Variants in PDE11A observed in about 807,000 individuals in gnomAD.
PDE11A encodes dual 3',5'-cyclic-AMP and -GMP phosphodiesterase 11A.
A neutral mutation model predicts 100.5 loss-of-function variants in PDE11A; 100 were observed. The ratio of observed to expected loss-of-function variants is 1.00; its 90% CI spans 0.85 to 1.18. The LOEUF (loss-of-function observed/expected upper bound fraction) is 1.18. Ranked by LOEUF, PDE11A falls within the 50% of genes most tolerant of loss-of-function variation. PDE11A has a pLI of 0.00. For missense variants in PDE11A, 1,141 were observed against 1,152.6 expected (o/e 0.99, Z 0.15); for synonymous variants, 381 against 420.8 (o/e 0.91, Z 1.16).
At chr2:177,805,890 T>G (rs1279681066) in intron 9 of PDE11A, among the ~76,000 whole-genome samples, 1 of 151,752 alleles carries the variant, frequency 6.6e-6, no homozygotes, top group Admixed American at 6.6e-5. Flanking sequence ...TGTCAAAGAG[T>G]GAATGTGAGA....
intron 19 of PDE11A, among the ~76,000 whole-genome samples, chr2:177,646,476 T>C (rs2080225861): frequency 6.6e-6 from 1 of 152,354 alleles, no homozygotes; most frequent in East Asian, 1.9e-4. Flanking sequence ...TGGCTCTGTT[T>C]TGGCAGATAT....
At chr2:177,700,032 C>G (rs2081173763) in intron 14 of PDE11A, among the ~76,000 whole-genome samples, 1 of 152,164 alleles carries the variant, frequency 6.6e-6, no homozygotes, top group Non-Finnish European at 1.5e-5. Flanking sequence ...TTCCATAGTT[C>G]TCAGCTAAGA....
At chr2:178,039,596 T>C (rs563187827) in intron 1 of PDE11A, among the ~76,000 whole-genome samples, 1 of 152,018 alleles carries the variant, frequency 6.6e-6, no homozygotes, top group South Asian at 2.1e-4. Flanking sequence ...GCAAATATGA[T>C]GCCAAGATTC....
At chr2:177,985,802 T>C (rs2085932444) in intron 2 of PDE11A, among the ~76,000 whole-genome samples, 1 of 151,998 alleles carries the variant, frequency 6.6e-6, no homozygotes, top group Admixed American at 6.6e-5. Flanking sequence ...ATTGCAAGAG[T>C]TTTATAAATT....
chr2:178,066,564 T>C (rs2087046964), intron 1 of PDE11A, among the ~76,000 whole-genome samples: 1 of 152,060 alleles, frequency 6.6e-6, no homozygotes, highest in Admixed American at 6.6e-5. Context: ...CACCCATCCT[T>C]CCCAGTCTCA....
At chr2:177,793,277 T>C (rs967581680) in intron 9 of PDE11A, among the ~76,000 whole-genome samples, 1 of 152,204 alleles carries the variant, frequency 6.6e-6, no homozygotes, top group Admixed American at 6.5e-5. Flanking sequence ...AAGGCCCTAA[T>C]GTGCCCCTCC....
intron 2 of PDE11A, among the ~76,000 whole-genome samples, chr2:177,979,651 C>T (rs985734241): frequency 7.5e-6 from 1 of 133,890 alleles, no homozygotes; most frequent in African/African-American, 2.9e-5. Context: ...CACTCTGTCG[C>T]CCAGCCTGGA....
chr2:177,675,380 G>T (rs2080754756), intron 17 of PDE11A, 75 bp downstream of exon 17: 5 of 1,045,366 alleles, frequency 4.8e-6, no homozygotes, highest in Admixed American at 3.4e-5. Context: ...GGTAGTCAGG[G>T]CTCTGGGAAT....
intron 2 of PDE11A, among the ~76,000 whole-genome samples, chr2:178,078,913 T>C (rs758526801): frequency 1.2e-4 from 19 of 152,138 alleles, no homozygotes; most frequent in Non-Finnish European, 1.9e-4. Context: ...ACAGTATAGC[T>C]AGGGAGGTAG....
chr2:177,747,241 T>C (rs1197962848), intron 10 of PDE11A, among the ~76,000 whole-genome samples: 3 of 152,258 alleles, frequency 2.0e-5, no homozygotes, highest in African/African-American at 4.8e-5. Flanking sequence ...GTCAGGGACC[T>C]GCTTCATTGC....
At chr2:177,638,435 A>G (rs780092067) in intron 19 of PDE11A, among the ~76,000 whole-genome samples, 1 of 152,094 alleles carries the variant, frequency 6.6e-6, no homozygotes, top group South Asian at 2.1e-4. Flanking sequence ...TATAATAACT[A>G]TCTTAATGTC....
At chr2:177,841,585 G>T (rs541815364) in intron 5 of PDE11A, among the ~76,000 whole-genome samples, 1 of 152,178 alleles carries the variant, frequency 6.6e-6, no homozygotes, top group Non-Finnish European at 1.5e-5. Flanking sequence ...TGCATGGAAA[G>T]GCCATTGGAT....
chr2:177,783,433 G>A (rs2082483980), intron 9 of PDE11A, among the ~76,000 whole-genome samples: 1 of 152,094 alleles, frequency 6.6e-6, no homozygotes, highest in South Asian at 2.1e-4. Flanking sequence ...CTGGAATTTG[G>A]ACTGATTTCT....
At chr2:177,818,516 C>T (rs893705301) in intron 7 of PDE11A, among the ~76,000 whole-genome samples, 4 of 151,842 alleles carry the variant, frequency 2.6e-5, no homozygotes, top group Non-Finnish European at 5.9e-5. Context: ...TGTTAACTAC[C>T]TAAGAAGGTT....
At chr2:177,884,698 C>T (rs1010758815) in intron 4 of PDE11A, among the ~76,000 whole-genome samples, 1 of 152,074 alleles carries the variant, frequency 6.6e-6, no homozygotes, top group African/African-American at 2.4e-5. Flanking sequence ...TAGGAGAGGC[C>T]AGTGCATGTT....
intron 9 of PDE11A, among the ~76,000 whole-genome samples, chr2:177,779,194 C>T (rs1474618953): frequency 6.6e-6 from 1 of 152,252 alleles, no homozygotes; most frequent in East Asian, 1.9e-4. Context: ...AATGCACATA[C>T]CTTAATTTAA....
At chr2:177,986,495 C>T (rs951547069) in intron 2 of PDE11A, among the ~76,000 whole-genome samples, 2 of 152,162 alleles carry the variant, frequency 1.3e-5, no homozygotes, top group Non-Finnish European at 2.9e-5. Flanking sequence ...ACTTACTACT[C>T]ATGCGTTTTA....
intron 10 of PDE11A, among the ~76,000 whole-genome samples, chr2:177,738,471 G>GT (rs918001587): frequency 3.2e-4 from 48 of 152,172 alleles, no homozygotes; most frequent in Admixed American, 3.3e-4. Flanking sequence ...GTTTAGAGAC[G>GT]TAAGATACGA....
intron 11 of PDE11A, 38 bp downstream of exon 11, chr2:177,727,988 A>C: frequency 6.3e-7 from 1 of 1,588,654 alleles, no homozygotes. Flanking sequence ...ACGTTGTCCC[A>C]GGTGAACTGC....
Sources: allele counts gnomAD v4.1 joint callset (sites outside exome capture counted in the v4.1 genomes callset), GRCh38; gene constraint gnomAD v4.1.1; transcripts MANE v1.5; gene names NCBI Gene and HGNC (gene_info 2026-07-23, HGNC 2026-07-21).